Variants in ELP4 observed in about 807,000 individuals in gnomAD.
ELP4 encodes elongator acetyltransferase complex subunit 4, also known as elongator complex protein 4.
In ELP4, 51 loss-of-function variants were observed where a neutral mutation model predicts 48.9. The ratio of observed to expected loss-of-function variants is 1.04; its 90% CI spans 0.83 to 1.32. The LOEUF is 1.32. Among genes scored for constraint, ELP4 ranks in the 40% most tolerant of loss-of-function variants. ELP4 has a pLI of 0.00. For synonymous variants in ELP4, 210 were observed against 189.2 expected (o/e 1.11, Z -0.90); for missense variants, 519 against 514.6 (o/e 1.01, Z -0.08).
intron 3 of ELP4, chr11:31,573,607 G>A (rs1957220375): frequency 6.6e-6 from 1 of 151,682 alleles, no homozygotes; most frequent in Non-Finnish European, 1.5e-5. Context: ...AGCTCTTTCT[G>A]GTGTCTCTTC....
intron 1 of ELP4, among the ~76,000 whole-genome samples, chr11:31,519,172 G>A (rs928539401): frequency 2.0e-5 from 3 of 152,018 alleles, no homozygotes; most frequent in Non-Finnish European, 4.4e-5. Context: ...ATTTTGTGAT[G>A]ATATTCTTTT....
intron 1 of ELP4, chr11:31,510,627 ATT>A (rs1213407394): frequency 1.1e-5 from 4 of 368,732 alleles, no homozygotes; most frequent in African/African-American, 8.4e-5. Context: ...TATATTTTTT[ATT>A]TTTTCTATAT....
chr11:31,740,424 A>G (rs983425014), intron 9 of ELP4, among the ~76,000 whole-genome samples: 3 of 152,236 alleles, frequency 2.0e-5, no homozygotes, highest in Non-Finnish European at 2.9e-5. Context: ...AAATGTGCCA[A>G]CTGTTTAATA....
chr11:31,636,796 A>G (rs189888515), intron 7 of ELP4, among the ~76,000 whole-genome samples: 1 of 152,074 alleles, frequency 6.6e-6, no homozygotes, highest in East Asian at 1.9e-4. Flanking sequence ...CAGGAAAAAA[A>G]TGGCAAGCAT....
In ELP4 at chr11:31,661,782, A is replaced by G. The variant is rs148082004; in HGVS notation, c.1143+11561A>G. Among the ~76,000 whole-genome samples the G allele has an allele frequency of 3.0e-3, 464 of 152,200 alleles. 1 individual carries two copies. The highest frequency in any genetic ancestry group is 0.011 in the African/African-American group (442 of 41,576). The stretch of plus-strand genomic sequence containing the variant: ...TTTTACGTAAGTAAAACAACCTTCA[A>G]AAAATATCAGCTAATAAGATAATGA... On this transcript the variant is annotated intron_variant, in intron 9 of 9. Coordinates refer to ENST00000640961, the MANE Select transcript of ELP4 (RefSeq NM_019040.5).
At chr11:31,751,562 T>A (rs973237174) in intron 9 of ELP4, among the ~76,000 whole-genome samples, 1 of 152,172 alleles carries the variant, frequency 6.6e-6, no homozygotes, top group Non-Finnish European at 1.5e-5. Flanking sequence ...TACTCAGAGT[T>A]TGACATTGAA....
chr11:31,599,979 T>G (rs538326556), intron 4 of ELP4: 3 of 152,250 alleles, frequency 2.0e-5, no homozygotes, highest in South Asian at 4.1e-4. Flanking sequence ...CAAAATGCAG[T>G]TAACATAATT....
chr11:31,623,354 A>AATAT lies in ELP4; in HGVS notation c.654-3722_654-3719dup, dbSNP rs779632233. ...CAATAGAAGATATTTATTTTCAGCA[A>AATAT]ATATATATATATATATATATATATA... On this transcript the variant is annotated intron_variant, in intron 5 of 9. Coordinates refer to ENST00000640961, the MANE Select transcript of ELP4 (RefSeq NM_019040.5). Among the ~76,000 whole-genome samples, 119 of 9,238 alleles carry AATAT rather than the reference A, an allele frequency of 0.013. 2 individuals are homozygous for AATAT. The East Asian group carries it at 0.14, about 11-fold the overall frequency. The allele number at this position is 9,238 out of a possible 152,430, so 6.1% of individuals were successfully genotyped here.
chr11:31,627,206 C>T lies in ELP4; in HGVS notation c.738+12C>T. ...GATCCAATCCTCAGGTATTAAATAG[C>T]TTCAAAGTCTTTTATAATTATTTAT... On this transcript the variant is annotated intron_variant, in intron 6 of 9. Transcript: ENST00000640961. 8.7e-7 allele frequency: 1 copy of T among 1,146,582 alleles called. No individual in the cohort carries two copies. The highest frequency in any genetic ancestry group is 1.2e-6 in the Non-Finnish European group (1 of 856,134). The allele number at this position is 1,146,582 out of a possible 1,614,324, so 71.0% of individuals were successfully genotyped here.
intron 9 of ELP4, chr11:31,652,026 T>C (rs1368587312): frequency 6.6e-6 from 1 of 151,762 alleles, no homozygotes; most frequent in Non-Finnish European, 1.5e-5. Context: ...AGATCTTTTA[T>C]TAACCACACA....
intron 3 of ELP4, among the ~76,000 whole-genome samples, chr11:31,585,152 C>G (rs11605112): frequency 6.6e-6 from 1 of 152,050 alleles, no homozygotes; most frequent in Non-Finnish European, 1.5e-5. Flanking sequence ...AAGGTTCAAC[C>G]TAATGCCATA....
chr11:31,519,538 C>T (rs187496572), intron 1 of ELP4, among the ~76,000 whole-genome samples: 20 of 152,150 alleles, frequency 1.3e-4, no homozygotes, highest in Admixed American at 9.2e-4. Context: ...AATTTTAGGC[C>T]GGGCCTGGTG....
chr11:31,539,311 A>G (rs1049698466), intron 2 of ELP4, among the ~76,000 whole-genome samples: 3 of 152,138 alleles, frequency 2.0e-5, no homozygotes, highest in African/African-American at 7.2e-5. Context: ...AAAAATACAG[A>G]AAAATTAGCC....
chr11:31,771,753 G>A (rs1948147448), intron 9 of ELP4, among the ~76,000 whole-genome samples: 1 of 152,202 alleles, frequency 6.6e-6, no homozygotes, highest in Non-Finnish European at 1.5e-5. Flanking sequence ...GCCAAGGCGG[G>A]CAGATCACAA....
intron 3 of ELP4, among the ~76,000 whole-genome samples, chr11:31,565,735 C>A (rs1957100206): frequency 6.6e-6 from 1 of 151,590 alleles, no homozygotes; most frequent in Admixed American, 6.6e-5. Flanking sequence ...TGGTCTATAT[C>A]TCTGTTTTGG....
intron 9 of ELP4, among the ~76,000 whole-genome samples, chr11:31,729,718 G>C (rs1374019799): frequency 1.3e-5 from 2 of 152,112 alleles, no homozygotes; most frequent in African/African-American, 4.8e-5. Context: ...CAAACAACCA[G>C]TTGGCTTATT....
At chr11:31,662,632 C>T (rs894861589) in intron 9 of ELP4, 6 of 397,526 alleles carry the variant, frequency 1.5e-5, no homozygotes, top group Admixed American at 8.8e-5. Context: ...TTTAAAAAGC[C>T]GCATACTTTA....
intron 6 of ELP4, among the ~76,000 whole-genome samples, chr11:31,628,585 T>TC (rs1226471129): frequency 6.6e-6 from 1 of 152,042 alleles, no homozygotes; most frequent in Non-Finnish European, 1.5e-5. Context: ...AATTTTTTTT[T>TC]CACAGAAATT....
At chr11:31,716,756 A>C (rs1288918172) in intron 9 of ELP4, among the ~76,000 whole-genome samples, 6 of 152,228 alleles carry the variant, frequency 3.9e-5, no homozygotes, top group Non-Finnish European at 8.8e-5. Flanking sequence ...ATACAAAATA[A>C]CAAACATTCT....
Sources: gnomAD v4.1 joint callset for allele counts (sites outside exome capture counted in the v4.1 genomes callset) on GRCh38, gnomAD v4.1.1 for gene constraint, MANE v1.5 for transcripts, NCBI Gene and HGNC (gene_info 2026-07-23, HGNC 2026-07-21) for gene names.